Variants in MYO15A observed in about 807,000 individuals in gnomAD.
The protein encoded by MYO15A is myosin XVA, also known as unconventional myosin-XV.
A neutral mutation model predicts 394.6 loss-of-function variants in MYO15A; 308 were observed. The ratio of observed to expected loss-of-function variants is 0.78; its 90% CI spans 0.71 to 0.86. The LOEUF (loss-of-function observed/expected upper bound fraction) is 0.86, where lower values mean the gene tolerates loss of function less well. Ranked by LOEUF, MYO15A falls within the 40% of genes least tolerant of loss-of-function variation. MYO15A has a pLI of 0.00. For synonymous variants in MYO15A, 1,957 were observed against 2,003.8 expected (o/e 0.98, Z 0.62); for missense variants, 4,606 against 4,799.1 (o/e 0.96, Z 1.19).
chr17:18,118,406 C>G (rs893597714), intron 1 of MYO15A, among the ~76,000 whole-genome samples, 176 bp from the exon 2 acceptor site: 2 of 152,170 alleles, frequency 1.3e-5, no homozygotes, highest in Non-Finnish European at 2.9e-5. Flanking sequence ...CGAAGTGACC[C>G]AAGGGCTCCC....
chr17:18,155,944 G>C, intron 47 of MYO15A: 1 of 551,126 alleles, frequency 1.8e-6, no homozygotes, highest in Non-Finnish European at 3.3e-6. Flanking sequence ...TCTAGATTTA[G>C]AGCTTGGACC....
At chr17:18,146,493 C>T (rs2046483593) in intron 30 of MYO15A, among the ~76,000 whole-genome samples, 1 of 152,210 alleles carries the variant, frequency 6.6e-6, no homozygotes. Context: ...GCTGTGTGAC[C>T]TTGGGTAAGT....
chr17:18,120,759 C>T lies in MYO15A; in HGVS notation c.1959C>T (p.Thr653=). The change falls in exon 2 of 66, where the codon ACC becomes ACT. Residue 653 remains threonine (T), a synonymous_variant. Coordinates refer to ENST00000647165, the MANE Select transcript of MYO15A (RefSeq NM_016239.4). The stretch of plus-strand genomic sequence containing the variant: ...CCGCGCCACAGCCCGCGCCCAGGAC[C>T]CTCTCCCACTGGAGCGCGCTCCTGT... ...RPPAPQPAPR[T]LSHWSALLSP... 6.9e-7 allele frequency: 1 copy of T among 1,448,808 alleles called. No homozygotes were observed. Among genetic ancestry groups the T allele is most frequent in the Non-Finnish European group, 9.0e-7 (1 of 1,110,986 alleles). The allele number at this position is 1,448,808 out of a possible 1,614,324, so 89.7% of individuals were successfully genotyped here.
intron 65 of MYO15A, among the ~76,000 whole-genome samples, chr17:18,175,700 T>C (rs1352362821): frequency 1.3e-5 from 2 of 152,126 alleles, no homozygotes; most frequent in African/African-American, 2.4e-5. Context: ...CATCCATACT[T>C]CTACCTCCTG....
chr17:18,138,979 C>T lies in MYO15A; in HGVS notation c.5133+43C>T. The T allele has an allele frequency of 2.5e-6, 4 of 1,593,626 alleles. No homozygotes were observed. In the South Asian group the frequency reaches 3.4e-5, roughly 14 times the overall value. ...CGGCCTGGACGCTGGTGCTGCAGTG[C>T]TGCTAGCTGTTGGAGACACAGAAGC... is the stretch of plus-strand genomic sequence containing the variant. On this transcript the variant is annotated intron_variant, in intron 18 of 65. Transcript: ENST00000647165.
rs2955365 is a variant in MYO15A, at chr17:18,120,583, G to T, written c.1783G>T (p.Ala595Ser). The change falls in exon 2 of 66, where the codon GCC becomes TCC. Residue 595 changes from alanine to serine, a missense_variant. Around this residue, in one of 2 missense-constraint regions of MYO15A, gnomAD observed 1,830 missense variants for 1,689.7 expected, o/e 1.08. Coordinates refer to ENST00000647165, the MANE Select transcript of MYO15A (RefSeq NM_016239.4). ...PIARLRGSQK[A>S]RAGGPAVREA... ...CGCGCGGCTCAGGGGCAGCCAGAAG[G>T]CCCGGGCGGGCGGCCCTGCTGTCAG... The T allele has an allele frequency of 4.4e-6, 7 of 1,596,336 alleles. No individual in the cohort carries two copies. Among genetic ancestry groups the T allele is most frequent in the Non-Finnish European group, 6.0e-6 (7 of 1,173,520 alleles).
intron 40 of MYO15A, 98 bp from the exon 41 acceptor site, chr17:18,151,748 A>AG: frequency 8.0e-7 from 1 of 1,244,766 alleles, no homozygotes; most frequent in South Asian, 1.3e-5. Context: ...TTATAATGAT[A>AG]GGGGGTGGTG....
chr17:18,131,646 A>C, intron 10 of MYO15A, 115 bp downstream of exon 10: 1 of 1,235,976 alleles, frequency 8.1e-7, no homozygotes, highest in Non-Finnish European at 1.2e-6. Context: ...GAACGAATAC[A>C]TGCGTACATG....
Position 18,142,857 on chromosome 17 carries a change from A to G in MYO15A, c.5910+17A>G, listed in dbSNP as rs58914384. On this transcript the variant is annotated intron_variant, in intron 25 of 65. Coordinates refer to ENST00000647165, the MANE Select transcript of MYO15A (RefSeq NM_016239.4). ...TATCTCAAGGTATAGGCCCTACCCT[A>G]TCTGGGTCCAAGGGGACAGCAGAGA... 3 of 1,601,792 alleles carry G rather than the reference A, an allele frequency of 1.9e-6. No homozygotes were observed. Among genetic ancestry groups the G allele is most frequent in the Non-Finnish European group, 1.7e-6 (2 of 1,174,016 alleles).
rs1346893455 is a variant in MYO15A, at chr17:18,153,102, C to T, written c.7967-673C>T. 6.6e-6 allele frequency among the ~76,000 whole-genome samples: 1 copy of T among 152,240 alleles called. No homozygotes were observed. Among genetic ancestry groups the T allele is most frequent in the Non-Finnish European group, 1.5e-5 (1 of 68,042 alleles). On this transcript the variant is annotated intron_variant, in intron 42 of 65. Coordinates refer to ENST00000647165, the MANE Select transcript of MYO15A (RefSeq NM_016239.4). This position sits in a 1 kb window ranked among gnomAD's most constrained non-coding sequence, Gnocchi z 4.1. Reference sequence around the variant, plus strand: ...GGCCATCTCAGCCTTTAGCCCAGGCCTGTATACAATAGGTGTTTTGGCTGG... The same window carrying T: ...GGCCATCTCAGCCTTTAGCCCAGGCTTGTATACAATAGGTGTTTTGGCTGG...
In MYO15A at chr17:18,162,639, G is replaced by A. The variant is rs373520843; in HGVS notation, c.9572G>A (p.Arg3191His). 1.6e-5 allele frequency: 26 copies of A among 1,613,928 alleles called. No individual in the cohort carries two copies. The highest frequency in any genetic ancestry group is 2.2e-5 in the South Asian group (2 of 91,084). Residue 3191 changes from arginine (R) to histidine (H), a missense_variant, in exon 58 of 66, where the codon CGT becomes CAT. Arg to His is a conservative substitution (Grantham distance 29). Around this residue, in one of 2 missense-constraint regions of MYO15A, gnomAD observed 2,776 missense variants for 3,109.3 expected, o/e 0.89. Transcript: ENST00000647165. ...CAGAAAACCTTGCGCTTCGGAGGTC[G>A]TCTGGAGCTCCCCAGCAGCATAGAG... ...NLQKTLRFGG[R>H]LELPSSIELR... is the part of the protein sequence containing the mutation.
intron 1 of MYO15A, among the ~76,000 whole-genome samples, chr17:18,113,870 C>A (rs2045753500): frequency 6.7e-6 from 1 of 150,278 alleles, no homozygotes; most frequent in African/African-American, 2.5e-5. Context: ...TCAGTAAACA[C>A]TGTAGTCAAC....
At chr17:18,135,956 G>T in intron 13 of MYO15A, 132 bp downstream of exon 13, 1 of 801,976 alleles carries the variant, frequency 1.2e-6, no homozygotes, top group Admixed American at 2.2e-5. Flanking sequence ...GGCATGGAGG[G>T]GAGTAATTTC....
rs2046512154 is a variant in MYO15A, at chr17:18,148,130, G to A, written c.6611G>A (p.Arg2204His). 5 of 1,613,788 alleles carry A rather than the reference G, an allele frequency of 3.1e-6. No homozygotes were observed. The highest frequency in any genetic ancestry group is 4.2e-6 in the Non-Finnish European group (5 of 1,180,020). The change falls in exon 31 of 66, where the codon CGC becomes CAC. Residue 2204 changes from arginine to histidine, a missense_variant. Transcript: ENST00000647165. This position sits in a 1 kb window ranked among gnomAD's most constrained non-coding sequence, Gnocchi z 4.8. ...CAACAGCAGGGCTCGGGGGCTGCCC[G>A]CACCTTACCCCCGACCCAGCTCGAG... is the stretch of plus-strand genomic sequence containing the variant. ...RAQQQGSGAARTLPPTQLEWT... is the reference protein window; with the variant it reads ...RAQQQGSGAAHTLPPTQLEWT...
chr17:18,141,825 A>ATG (rs1326885819), intron 23 of MYO15A, 55 bp downstream of exon 23: 7 of 1,553,918 alleles, frequency 4.5e-6, no homozygotes, highest in Non-Finnish European at 8.9e-7. Flanking sequence ...GGGGGTCCAC[A>ATG]ACTACTGAGT....
rs750068134 is a variant in MYO15A, at chr17:18,130,852, GTGTGTGTGTGTGTGTGTGTC to G, written c.4038+46_4038+65del. On this transcript the variant is annotated intron_variant, in intron 8 of 65. Transcript: ENST00000647165. ...TGTGTGTGTGTGTGTGTGTGTGTGT[GTGTGTGTGTGTGTGTGTGTC>G]TGTCCAGGAAAATGCGTGTGGATGT... 3.9e-6 allele frequency: 6 copies of G among 1,551,652 alleles called. No individual in the cohort carries two copies. The African/African-American group carries it at 4.1e-5, about 11-fold the overall frequency.
intron 24 of MYO15A, 100 bp downstream of exon 24, chr17:18,142,354 T>C (rs2046397416): frequency 7.1e-7 from 1 of 1,399,632 alleles, no homozygotes; most frequent in African/African-American, 1.4e-5. Flanking sequence ...CCTGGAGGCA[T>C]GCAAGCTGAG....
At chr17:18,164,832 CAAAAAAAAAAAAAA>C (rs368989213) in intron 60 of MYO15A, 46,870 of 84,684 alleles carry the variant, frequency 0.55, 9,564 homozygotes, top group Middle Eastern at 0.61. Flanking sequence ...ACTCTATCTG[CAAAAAAAAAAAAAA>C]AAAAAAAAAA....
chr17:18,156,161 GGC>G, intron 47 of MYO15A, 32 bp from the exon 48 acceptor site: 1 of 1,613,706 alleles, frequency 6.2e-7, no homozygotes, highest in Non-Finnish European at 8.5e-7. Context: ...GCATCCCTCT[GGC>G]AGGGGAGTCA....
Sources: allele counts gnomAD v4.1 joint callset (sites outside exome capture counted in the v4.1 genomes callset), GRCh38; gene constraint gnomAD v4.1.1; regional missense constraint gnomAD v4.1.1; non-coding constraint Gnocchi (gnomAD v3.1); transcripts MANE v1.5; gene names NCBI Gene and HGNC (gene_info 2026-07-23, HGNC 2026-07-21).